Variants in SLC5A11 observed in about 807,000 individuals in gnomAD.
The protein encoded by SLC5A11 is sodium/myo-inositol cotransporter 2.
In SLC5A11, 48 loss-of-function variants were observed where a neutral mutation model predicts 69.8. The ratio of observed to expected loss-of-function variants is 0.69; its 90% CI spans 0.55 to 0.87. The LOEUF (loss-of-function observed/expected upper bound fraction) is 0.87, where lower values mean the gene tolerates loss of function less well. Among genes scored for constraint, SLC5A11 ranks in the 40% least tolerant of loss-of-function variants. The probability of loss-of-function intolerance (pLI) is 0.00; values close to 1 mark genes in which losing one functional copy is unlikely to be tolerated. For missense variants in SLC5A11, 784 were observed against 866.1 expected, an observed-to-expected ratio of 0.91 and a Z score of 1.19; for synonymous variants, 319 against 342.4, an observed-to-expected ratio of 0.93 and a Z score of 0.75.
intron 9 of SLC5A11, among the ~76,000 whole-genome samples, chr16:24,891,842 A>G (rs918062739): frequency 6.6e-6 from 1 of 152,102 alleles, no homozygotes; most frequent in African/African-American, 2.4e-5. Flanking sequence ...ATGGGAGTAG[A>G]CGGAGATAAT....
At chr16:24,851,365 A>C (rs2059297405) in intron 1 of SLC5A11, among the ~76,000 whole-genome samples, 1 of 151,262 alleles carries the variant, frequency 6.6e-6, no homozygotes, top group Admixed American at 6.6e-5. Flanking sequence ...ATACAAAAAA[A>C]GAAAAAAAAA....
At chr16:24,895,639 G>C (rs2049109396) in intron 9 of SLC5A11, among the ~76,000 whole-genome samples, 1 of 151,670 alleles carries the variant, frequency 6.6e-6, no homozygotes, top group Admixed American at 6.6e-5. Flanking sequence ...CCCTCAGTTG[G>C]ACAGCCAGCT....
chr16:24,863,580 G>A (rs550743494), intron 3 of SLC5A11, among the ~76,000 whole-genome samples: 55 of 151,986 alleles, frequency 3.6e-4, no homozygotes, highest in African/African-American at 1.2e-3. Flanking sequence ...ACATTTGAAC[G>A]GTGTCATTGG....
chr16:24,908,077 G>A (rs774164600), exon 13 of SLC5A11: 81 of 1,608,882 alleles, frequency 5.0e-5, no homozygotes, highest in Middle Eastern at 1.7e-4. Flanking sequence ...ACCTGCAGCC[G>A]CCTGTGGCGG....
chr16:24,909,187 T>C, intron 14 of SLC5A11, 91 bp downstream of exon 15: 4 of 1,382,000 alleles, frequency 2.9e-6, no homozygotes, highest in Non-Finnish European at 4.0e-6. Context: ...AGGAGACTGA[T>C]TGTCCAAAAA....
At chr16:24,874,223 A>G (rs1273907796) in intron 5 of SLC5A11, among the ~76,000 whole-genome samples, 1 of 152,146 alleles carries the variant, frequency 6.6e-6, no homozygotes, top group African/African-American at 2.4e-5. Flanking sequence ...ATATTTATCC[A>G]TTCTGTTGTG....
chr16:24,898,059 C>A, exon 10 of SLC5A11: 1 of 1,614,110 alleles, frequency 6.2e-7, no homozygotes, highest in East Asian at 2.2e-5. Context: ...AAGGTGCTGC[C>A]CCTCTTCATA....
chr16:24,911,262 C>T, intron 15 of SLC5A11, 66 bp from the exon 17 acceptor site: 1 of 1,475,978 alleles, frequency 6.8e-7, no homozygotes, highest in Non-Finnish European at 9.5e-7. Context: ...TGGTGAGTGT[C>T]CCTGTCTCAC....
intron 7 of SLC5A11, 78 bp downstream of exon 8, chr16:24,877,441 T>G: frequency 9.6e-7 from 1 of 1,045,380 alleles, no homozygotes; most frequent in Admixed American, 1.9e-5. Flanking sequence ...TCCTTGCCCA[T>G]CTTCTGATGT....
At chr16:24,892,902 T>C (rs2048908115) in intron 9 of SLC5A11, among the ~76,000 whole-genome samples, 1 of 151,962 alleles carries the variant, frequency 6.6e-6, no homozygotes, top group African/African-American at 2.4e-5. Flanking sequence ...GACCCCCTTC[T>C]CCTCCTTAGC....
intron 8 of SLC5A11, among the ~76,000 whole-genome samples, chr16:24,889,500 A>G (rs2048625888): frequency 6.6e-6 from 1 of 150,440 alleles, no homozygotes; most frequent in African/African-American, 2.4e-5. Flanking sequence ...AAACAAAACA[A>G]CAAAACCTGA....
rs182129540 is a variant in SLC5A11, at chr16:24,864,688, A to C, written c.207+2016A>C. Among the ~76,000 whole-genome samples, 18 of 152,346 alleles carry C rather than the reference A, an allele frequency of 1.2e-4. No individual in the cohort carries two copies. The East Asian group carries it at 3.5e-3, about 29-fold the overall frequency. ...GGCCAGATGTTATATTCACTAAACA[A>C]AGGCCTTAAATCAGCAATTTTAACT... On this transcript the variant is annotated intron_variant, in intron 3 of 15. Transcript: ENST00000347898.
chr16:24,862,325 A>G (rs1051212604), intron 2 of SLC5A11, among the ~76,000 whole-genome samples: 1 of 152,224 alleles, frequency 6.6e-6, no homozygotes, highest in Non-Finnish European at 1.5e-5. Flanking sequence ...CCATGAGCCT[A>G]AGACTCAAAT....
chr16:24,875,000 A>T (rs1433358525), intron 5 of SLC5A11, among the ~76,000 whole-genome samples: 2 of 151,242 alleles, frequency 1.3e-5, no homozygotes, highest in African/African-American at 2.4e-5. Context: ...ATATGTCTTT[A>T]AAAAAAAATA....
chr16:24,874,566 A>T (rs2047544728), intron 5 of SLC5A11, among the ~76,000 whole-genome samples: 1 of 151,974 alleles, frequency 6.6e-6, no homozygotes, highest in African/African-American at 2.4e-5. Context: ...ACTGCTTTTT[A>T]AAATTTTTTT....
chr16:24,868,794 C>T (rs2047084404), intron 3 of SLC5A11, among the ~76,000 whole-genome samples: 1 of 151,814 alleles, frequency 6.6e-6, no homozygotes, highest in Non-Finnish European at 1.5e-5. Flanking sequence ...TCTCTTCCTT[C>T]ACCCTTCTCC....
chr16:24,889,797 CT>C (rs1249351689), intron 8 of SLC5A11, among the ~76,000 whole-genome samples: 2 of 151,884 alleles, frequency 1.3e-5, no homozygotes, highest in Non-Finnish European at 2.9e-5. Flanking sequence ...ATTCGCCCAC[CT>C]CGGCCTCCCA....
At chr16:24,854,021 G>T (rs2059422417) in intron 1 of SLC5A11, among the ~76,000 whole-genome samples, 1 of 152,118 alleles carries the variant, frequency 6.6e-6, no homozygotes. Flanking sequence ...CTCAGGAAGG[G>T]CTTGGAATCG....
chr16:24,853,551 G>A (rs2152219624), intron 1 of SLC5A11, among the ~76,000 whole-genome samples: 1 of 152,254 alleles, frequency 6.6e-6, no homozygotes, highest in Non-Finnish European at 1.5e-5. Flanking sequence ...ATGCTTGCAG[G>A]AAAGAAATAG....
Sources: gnomAD v4.1 joint callset for allele counts (sites outside exome capture counted in the v4.1 genomes callset) on GRCh38, gnomAD v4.1.1 for gene constraint, MANE v1.5 for transcripts, NCBI Gene and HGNC (gene_info 2026-07-23, HGNC 2026-07-21) for gene names.